Variants in DPP10 observed in about 807,000 individuals in gnomAD.
The protein encoded by DPP10 is dipeptidyl peptidase like 10, also known as inactive dipeptidyl peptidase 10.
In DPP10, 33 loss-of-function variants were observed where a neutral mutation model predicts 120.9. The observed-to-expected ratio is 0.27, with a 90% CI of 0.21 to 0.37. DPP10 has a LOEUF of 0.37. Ranked by LOEUF, DPP10 falls within the 10% of genes least tolerant of loss-of-function variation. The probability of loss-of-function intolerance (pLI) is 1.00; values close to 1 mark genes in which losing one functional copy is unlikely to be tolerated. For missense variants in DPP10, 816 were observed against 942.8 expected, an observed-to-expected ratio of 0.87 and a Z score of 1.76; for synonymous variants, 337 against 326.1, an observed-to-expected ratio of 1.03 and a Z score of -0.36.
At chr2:114,575,557 C>T (rs1047481640) in intron 1 of DPP10, among the ~76,000 whole-genome samples, 3 of 152,164 alleles carry the variant, frequency 2.0e-5, no homozygotes, top group Admixed American at 6.5e-5. Flanking sequence ...TTTCTCCTGA[C>T]ACATTATATT....
At chr2:115,456,402 T>C (rs549168501) in intron 3 of DPP10, among the ~76,000 whole-genome samples, 312 of 152,256 alleles carry the variant, frequency 2.0e-3, no homozygotes, top group Middle Eastern at 3.4e-3. Context: ...GACAGTGTGG[T>C]GATTCCTCAA....
intron 5 of DPP10, among the ~76,000 whole-genome samples, chr2:115,670,160 A>C (rs62157884): frequency 0.098 from 14,830 of 152,070 alleles, 810 homozygotes; most frequent in Non-Finnish European, 0.12. Flanking sequence ...TTATAAGGGC[A>C]CTAATCCCAT....
chr2:115,290,603 T>C (rs181430691), intron 1 of DPP10, among the ~76,000 whole-genome samples: 6 of 152,262 alleles, frequency 3.9e-5, no homozygotes, highest in Admixed American at 3.9e-4. Context: ...ATTCAGGTAA[T>C]ACTAGCTGAA....
At chr2:115,203,724 CCTCT>C (rs2055911133) in intron 1 of DPP10, among the ~76,000 whole-genome samples, 1 of 152,084 alleles carries the variant, frequency 6.6e-6, no homozygotes, top group South Asian at 2.1e-4. Flanking sequence ...ATCTTCTTGA[CCTCT>C]CTATGATCTG....
At chr2:114,769,802 G>C (rs79511302) in intron 1 of DPP10, among the ~76,000 whole-genome samples, 1 of 152,084 alleles carries the variant, frequency 6.6e-6, no homozygotes, top group Admixed American at 6.6e-5. Flanking sequence ...GGGAGTTAAG[G>C]TGACATACAA....
intron 1 of DPP10, among the ~76,000 whole-genome samples, chr2:115,115,957 T>C (rs973340073): frequency 4.6e-5 from 7 of 152,132 alleles, no homozygotes; most frequent in African/African-American, 1.4e-4. Flanking sequence ...GTGTGAGGGA[T>C]AGATTAGCCT....
At chr2:115,468,227 C>T in intron 3 of DPP10, 1 of 502,174 alleles carries the variant, frequency 2.0e-6, no homozygotes, top group South Asian at 1.4e-5. Context: ...TCAGGAGAAG[C>T]TTCTGCTGAC....
At chr2:115,327,213 C>A (rs911413740) in intron 2 of DPP10, among the ~76,000 whole-genome samples, 2 of 152,028 alleles carry the variant, frequency 1.3e-5, no homozygotes, top group Non-Finnish European at 2.9e-5. Context: ...TAGGCTGTAT[C>A]TTATAGCATA....
chr2:115,497,160 C>T (rs1280205306), intron 3 of DPP10, among the ~76,000 whole-genome samples: 2 of 152,072 alleles, frequency 1.3e-5, no homozygotes, highest in Non-Finnish European at 2.9e-5. Flanking sequence ...ATTATAGAAA[C>T]TATAGCTACA....
In DPP10 at chr2:115,047,751, A is replaced by G. The variant is rs534654050; in HGVS notation, c.61-261488A>G. On this transcript the variant is annotated intron_variant, in intron 1 of 25. Transcript: ENST00000410059. Reference sequence around the variant, plus strand: ...TCTAAAATTAAAAAACCCCAAAGTGATACATAACACAGATATTAGTAACAA... The same window carrying G: ...TCTAAAATTAAAAAACCCCAAAGTGGTACATAACACAGATATTAGTAACAA... Among the ~76,000 whole-genome samples the G allele has an allele frequency of 7.5e-4, 114 of 152,256 alleles. 1 individual carries two copies. The highest frequency in any genetic ancestry group is 2.6e-3 in the African/African-American group (110 of 41,576).
intron 1 of DPP10, among the ~76,000 whole-genome samples, chr2:114,715,161 A>G (rs1701271154): frequency 6.6e-6 from 1 of 152,214 alleles, no homozygotes; most frequent in Non-Finnish European, 1.5e-5. Flanking sequence ...AAGGATGACA[A>G]GAGGCCCTGA....
intron 1 of DPP10, among the ~76,000 whole-genome samples, chr2:115,228,906 G>T (rs765282330): frequency 6.6e-6 from 1 of 152,084 alleles, no homozygotes; most frequent in Non-Finnish European, 1.5e-5. Flanking sequence ...TGGTGGGGTT[G>T]CTGGATCTTA....
intron 12 of DPP10, among the ~76,000 whole-genome samples, chr2:115,767,687 G>A (rs1276869394): frequency 6.6e-6 from 1 of 152,140 alleles, no homozygotes; most frequent in African/African-American, 2.4e-5. Flanking sequence ...GGTCACAGTT[G>A]TAGGTGGGCA....
At chr2:115,694,580 T>C (rs534132476) in intron 7 of DPP10, among the ~76,000 whole-genome samples, 1 of 152,312 alleles carries the variant, frequency 6.6e-6, no homozygotes, top group South Asian at 2.1e-4. Flanking sequence ...CCACTTTAGC[T>C]GTAATAAAGT....
chr2:115,355,895 G>A lies in DPP10; in HGVS notation c.271+11983G>A, dbSNP rs191966473. ...GTGTGGTGTTATTTCTGAAGTTTCTGTTCTGTTCCATTGGTCTATATGTCT... is the reference window on the plus strand; with the variant it reads ...GTGTGGTGTTATTTCTGAAGTTTCTATTCTGTTCCATTGGTCTATATGTCT... On this transcript the variant is annotated intron_variant, in intron 3 of 25. Coordinates refer to ENST00000410059, the MANE Select transcript of DPP10 (RefSeq NM_020868.6). Among the ~76,000 whole-genome samples, 110 of 152,182 alleles carry A rather than the reference G, an allele frequency of 7.2e-4. 1 individual carries two copies. Among genetic ancestry groups the A allele is most frequent in the African/African-American group, 2.6e-3 (108 of 41,544 alleles).
At chr2:115,660,128 C>T (rs993092624) in intron 5 of DPP10, among the ~76,000 whole-genome samples, 6 of 152,146 alleles carry the variant, frequency 3.9e-5, no homozygotes, top group African/African-American at 1.4e-4. Context: ...TAACTGGCAA[C>T]TACTTAGGAT....
At chr2:115,042,729 T>C (rs2105307650) in intron 1 of DPP10, among the ~76,000 whole-genome samples, 1 of 152,340 alleles carries the variant, frequency 6.6e-6, no homozygotes, top group Non-Finnish European at 1.5e-5. Context: ...ACTAGCGTTC[T>C]CCTCAAGCCA....
chr2:115,260,066 A>G (rs1354652357), intron 1 of DPP10, among the ~76,000 whole-genome samples: 1 of 151,224 alleles, frequency 6.6e-6, no homozygotes, highest in Non-Finnish European at 1.5e-5. Context: ...ACGCTTTTCC[A>G]TAAAACAACA....
chr2:115,275,178 C>A (rs547737493), intron 1 of DPP10, among the ~76,000 whole-genome samples: 3 of 152,216 alleles, frequency 2.0e-5, no homozygotes, highest in Non-Finnish European at 4.4e-5. Context: ...TCAAAAACTA[C>A]AGGTTGACCT....
Sources: allele counts gnomAD v4.1 joint callset (sites outside exome capture counted in the v4.1 genomes callset), GRCh38; gene constraint gnomAD v4.1.1; transcripts MANE v1.5; gene names NCBI Gene and HGNC (gene_info 2026-07-23, HGNC 2026-07-21).